Variants in NEBL observed in about 807,000 individuals in gnomAD.
NEBL encodes nebulette.
In NEBL, 122 loss-of-function variants were observed where a neutral mutation model predicts 140.2. The observed-to-expected ratio is 0.87, with a 90% CI of 0.75 to 1.01. The LOEUF is 1.01. Among genes scored for constraint, NEBL ranks in the 50% least tolerant of loss-of-function variants. The probability of loss-of-function intolerance (pLI) is 0.00; values close to 1 mark genes in which losing one functional copy is unlikely to be tolerated. For missense variants in NEBL, 1,365 were observed against 1,231.3 expected (o/e 1.11, Z -1.62); for synonymous variants, 436 against 398.9 (o/e 1.09, Z -1.11).
At chr10:20,937,536 T>A (rs919364616) in intron 4 of NEBL, among the ~76,000 whole-genome samples, 3 of 152,148 alleles carry the variant, frequency 2.0e-5, no homozygotes, top group African/African-American at 7.2e-5. Context: ...AGATGATTTC[T>A]GCATTTCCAA....
At chr10:20,992,031 G>A (rs932359163) in intron 3 of NEBL, among the ~76,000 whole-genome samples, 2 of 152,080 alleles carry the variant, frequency 1.3e-5, no homozygotes, top group Non-Finnish European at 2.9e-5. Context: ...ACGAACCTAG[G>A]CTGATTCCAT....
rs779707896 is a variant in NEBL, at chr10:20,812,751, C to T, written c.2518+18G>A. The stretch of plus-strand genomic sequence containing the variant: ...CTTTTCGACCACACACACCGGCCGA[C>T]AAACGCCGTCAGCTTACCAACAATG... On this transcript the variant is annotated intron_variant, in intron 24 of 27. Transcript: ENST00000377122. 1.2e-6 allele frequency: 2 copies of T among 1,613,698 alleles called. No homozygotes were observed. Among genetic ancestry groups the T allele is most frequent in the South Asian group, 1.1e-5 (1 of 91,080 alleles).
chr10:21,186,110 A>G (rs1026300300), intron 3 of NEBL, among the ~76,000 whole-genome samples: 1 of 152,180 alleles, frequency 6.6e-6, no homozygotes, highest in Non-Finnish European at 1.5e-5. Context: ...GTGAGTTTTA[A>G]ATTTTAAGAC....
upstream of NEBL, among the ~76,000 whole-genome samples, chr10:21,178,183 T>C (rs1482934119): frequency 6.6e-6 from 1 of 152,208 alleles, no homozygotes; most frequent in African/African-American, 2.4e-5. Context: ...TTTCTGCAAG[T>C]CAATGAGAAA....
chr10:21,109,602 G>A (rs1589242825), intron 2 of NEBL, among the ~76,000 whole-genome samples: 1 of 152,108 alleles, frequency 6.6e-6, no homozygotes, highest in East Asian at 1.9e-4. Context: ...ATCTTTGGTA[G>A]AATTCGGCTG....
chr10:20,834,864 C>G (rs1486294807), intron 14 of NEBL, among the ~76,000 whole-genome samples: 1 of 152,158 alleles, frequency 6.6e-6, no homozygotes, highest in East Asian at 1.9e-4. Flanking sequence ...TGCATATGGT[C>G]TGACTCCTAC....
intron 2 of NEBL, among the ~76,000 whole-genome samples, chr10:21,072,111 C>G (rs1357118556): frequency 6.6e-6 from 1 of 152,136 alleles, no homozygotes; most frequent in African/African-American, 2.4e-5. Flanking sequence ...AGCCACCGTG[C>G]CTGGCCCATT....
At chr10:20,834,506 TG>T (rs1326028567) in intron 14 of NEBL, among the ~76,000 whole-genome samples, 3 of 152,218 alleles carry the variant, frequency 2.0e-5, no homozygotes, top group Non-Finnish European at 2.9e-5. Flanking sequence ...TGCCTAACTC[TG>T]GGGATGTCAG....
chr10:21,103,631 CTGCCCATTTCTAAT>C (rs1837578421), intron 2 of NEBL, among the ~76,000 whole-genome samples: 1 of 152,182 alleles, frequency 6.6e-6, no homozygotes, highest in African/African-American at 2.4e-5. Context: ...TTCAACTCTT[CTGCCCATTTCTAAT>C]TGGGTTTTTG....
At chr10:20,873,894 G>A (rs897754125) in intron 5 of NEBL, among the ~76,000 whole-genome samples, 12 of 151,980 alleles carry the variant, frequency 7.9e-5, no homozygotes, top group South Asian at 2.1e-4. Flanking sequence ...CCATTTCTTC[G>A]AATATTTTAT....
intron 3 of NEBL, among the ~76,000 whole-genome samples, chr10:21,210,851 C>T (rs963648376): frequency 2.6e-5 from 4 of 152,166 alleles, no homozygotes; most frequent in Non-Finnish European, 2.9e-5. Flanking sequence ...TAAATGTACA[C>T]GCTATGTATG....
chr10:20,975,598 T>C (rs1476165054), intron 3 of NEBL, among the ~76,000 whole-genome samples: 1 of 152,224 alleles, frequency 6.6e-6, no homozygotes, highest in African/African-American at 2.4e-5. Context: ...TTTCTTTGAA[T>C]TGTTCTTTCA....
intron 3 of NEBL, among the ~76,000 whole-genome samples, chr10:20,975,075 A>C (rs1165639206): frequency 6.6e-6 from 1 of 152,180 alleles, no homozygotes; most frequent in African/African-American, 2.4e-5. Context: ...TGAACACACT[A>C]ACGGGCTCCA....
At chr10:20,975,199 G>T (rs1836738630) in intron 3 of NEBL, among the ~76,000 whole-genome samples, 1 of 152,092 alleles carries the variant, frequency 6.6e-6, no homozygotes, top group Non-Finnish European at 1.5e-5. Flanking sequence ...TAGATATAAA[G>T]AACTGGACTT....
intron 4 of NEBL, among the ~76,000 whole-genome samples, chr10:20,911,575 C>T (rs539807661): frequency 3.3e-5 from 5 of 152,262 alleles, no homozygotes; most frequent in African/African-American, 1.2e-4. Context: ...CTTCAAACAA[C>T]TACAAGGACA....
In NEBL at chr10:20,849,005, G is replaced by T. The variant is rs558374525; in HGVS notation, c.1116+1390C>A. Among the ~76,000 whole-genome samples, 5 of 152,204 alleles carry T rather than the reference G, an allele frequency of 3.3e-5. No individual in the cohort carries two copies. The East Asian group carries it at 7.7e-4, about 23-fold the overall frequency. On this transcript the variant is annotated intron_variant, in intron 11 of 27. Transcript: ENST00000377122. The stretch of plus-strand genomic sequence containing the variant: ...TTTTTGTCTACAAGTTATCATTTCT[G>T]CCTGTTTTGATGTTGTTATTGGGCA...
intron 3 of NEBL, among the ~76,000 whole-genome samples, chr10:21,207,966 G>A (rs964255681): frequency 6.6e-6 from 1 of 152,136 alleles, no homozygotes; most frequent in African/African-American, 2.4e-5. Context: ...GGTGTCACAG[G>A]ACCAACAGGT....
At position 20,826,452 on chromosome 10, in the gene NEBL, T is replaced by A; in HGVS notation, c.1864A>T (p.Ser622Cys). Residue 622 changes from serine to cysteine, a missense_variant, in exon 18 of 28, where the codon AGT becomes TGT. Transcript: ENST00000377122. ...TAATGCTGTAGAGAACTTACTGAAC[T>A]AATATTCTGCTGATTTTTCTTCACT... ...ERVKKNQQNI[S>C]SVKYKEEIKH... 1 of 1,608,188 alleles carries A rather than the reference T, an allele frequency of 6.2e-7. No homozygotes were observed. The highest frequency in any genetic ancestry group is 1.1e-5 in the South Asian group (1 of 90,980).
At chr10:21,272,010 T>C (rs926129961) in intron 1 of NEBL, among the ~76,000 whole-genome samples, 1 of 151,240 alleles carries the variant, frequency 6.6e-6, no homozygotes. Context: ...CAGGCTGGAG[T>C]GCAGTGGTGT....
Sources: allele counts gnomAD v4.1 joint callset (sites outside exome capture counted in the v4.1 genomes callset), GRCh38; gene constraint gnomAD v4.1.1; transcripts MANE v1.5; gene names NCBI Gene and HGNC (gene_info 2026-07-23, HGNC 2026-07-21).